NRXN3: variants seen among roughly 807,000 people sequenced by gnomAD.
The protein encoded by NRXN3 is neurexin 3.
A neutral mutation model predicts 137.6 loss-of-function variants in NRXN3; 32 were observed. That is an observed-to-expected ratio of 0.23 (90% CI 0.18 to 0.31). The LOEUF (loss-of-function observed/expected upper bound fraction) is 0.31. Ranked by LOEUF, NRXN3 falls within the 10% of genes least tolerant of loss-of-function variation. The pLI is 1.00. For missense variants in NRXN3, 1,574 were observed against 2,062.5 expected, an observed-to-expected ratio of 0.76 and a Z score of 4.59; for synonymous variants, 798 against 784.5, an observed-to-expected ratio of 1.02 and a Z score of -0.29.
At chr14:79,208,430 A>G (rs975839246) in intron 15 of NRXN3, among the ~76,000 whole-genome samples, 1 of 152,228 alleles carries the variant, frequency 6.6e-6, no homozygotes, top group African/African-American at 2.4e-5. Flanking sequence ...AAGGGGACAA[A>G]TAACATCTCA....
chr14:78,285,238 T>A (rs2075011001), intron 3 of NRXN3, among the ~76,000 whole-genome samples: 1 of 152,188 alleles, frequency 6.6e-6, no homozygotes, highest in African/African-American at 2.4e-5. Context: ...CTAACTCTAG[T>A]AGTACCTATG....
Position 79,834,932 on chromosome 14 carries a change from C to A in NRXN3, c.4094-26410C>A, listed in dbSNP as rs150158166. 8.3e-4 allele frequency among the ~76,000 whole-genome samples: 126 copies of A among 152,228 alleles called. 1 individual carries two copies. Among genetic ancestry groups the A allele is most frequent in the African/African-American group, 3.0e-3 (124 of 41,556 alleles). ...AACCAGATCTAACTGAAACTTCACT[C>A]AACACATTCCCGACCCGCCACCCCA... is the stretch of plus-strand genomic sequence containing the variant. On this transcript the variant is annotated intron_variant, in intron 20 of 20. Coordinates refer to ENST00000335750, the MANE Select transcript of NRXN3 (RefSeq NM_001330195.2).
At chr14:79,814,353 G>T (rs2140910901) in intron 20 of NRXN3, among the ~76,000 whole-genome samples, 1 of 152,244 alleles carries the variant, frequency 6.6e-6, no homozygotes, top group African/African-American at 2.4e-5. Flanking sequence ...GATGTGATTT[G>T]AAATCCTCTG....
At chr14:78,331,948 T>C (rs1440254786) in intron 4 of NRXN3, among the ~76,000 whole-genome samples, 1 of 152,168 alleles carries the variant, frequency 6.6e-6, no homozygotes, top group Non-Finnish European at 1.5e-5. Context: ...GAGAAAACCA[T>C]GAAACAGCTG....
At chr14:79,762,059 G>C (rs2099040514) in intron 19 of NRXN3, among the ~76,000 whole-genome samples, 1 of 151,602 alleles carries the variant, frequency 6.6e-6, no homozygotes, top group Non-Finnish European at 1.5e-5. Flanking sequence ...CTAGGGGAAT[G>C]CTGATTTTAT....
chr14:79,437,305 C>T (rs2095860374), intron 15 of NRXN3, among the ~76,000 whole-genome samples: 1 of 152,010 alleles, frequency 6.6e-6, no homozygotes, highest in Non-Finnish European at 1.5e-5. Context: ...ATATCTTTGT[C>T]CCAACTTCAG....
At chr14:79,695,229 C>T (rs1603434794) in intron 18 of NRXN3, among the ~76,000 whole-genome samples, 1 of 151,862 alleles carries the variant, frequency 6.6e-6, no homozygotes, top group Non-Finnish European at 1.5e-5. Flanking sequence ...TTCTCTGATC[C>T]TCTTTTTATT....
At chr14:79,197,236 T>C (rs1033146252) in intron 15 of NRXN3, among the ~76,000 whole-genome samples, 4 of 152,220 alleles carry the variant, frequency 2.6e-5, no homozygotes, top group Non-Finnish European at 5.9e-5. Context: ...CTTGGGTAGG[T>C]GCATGGTAGT....
chr14:78,548,273 A>G (rs1209642035), intron 4 of NRXN3, among the ~76,000 whole-genome samples: 1 of 152,240 alleles, frequency 6.6e-6, no homozygotes, highest in Admixed American at 6.5e-5. Flanking sequence ...ATAAGTATAT[A>G]ATATCAATCA....
intron 1 of NRXN3, among the ~76,000 whole-genome samples, chr14:78,220,261 T>A (rs1324440528): frequency 6.6e-6 from 1 of 151,994 alleles, no homozygotes; most frequent in Non-Finnish European, 1.5e-5. Context: ...TGAAGAGATC[T>A]GGAGATGGAG....
At chr14:78,383,923 T>G (rs1019591954) in intron 4 of NRXN3, among the ~76,000 whole-genome samples, 5 of 152,210 alleles carry the variant, frequency 3.3e-5, no homozygotes, top group Non-Finnish European at 7.4e-5. Flanking sequence ...TTTTCCCAAC[T>G]GAAGGTATTA....
chr14:79,187,572 T>A (rs2063686837), intron 15 of NRXN3, among the ~76,000 whole-genome samples: 1 of 138,930 alleles, frequency 7.2e-6, no homozygotes, highest in Admixed American at 7.4e-5. Context: ...ATTTCAGAAA[T>A]TAATGATTCT....
chr14:78,958,585 G>A (rs1331981803), intron 11 of NRXN3, among the ~76,000 whole-genome samples: 1 of 152,096 alleles, frequency 6.6e-6, no homozygotes, highest in Non-Finnish European at 1.5e-5. Flanking sequence ...TCCATCTCCT[G>A]ACCTCCTGAT....
intron 19 of NRXN3, among the ~76,000 whole-genome samples, chr14:79,769,758 C>A (rs4603485): frequency 0.012 from 1,753 of 151,838 alleles, 37 homozygotes; most frequent in African/African-American, 0.04. Flanking sequence ...GACAGGATCA[C>A]ATTCACACAT....
chr14:78,256,283 T>C (rs1181680577), intron 2 of NRXN3, among the ~76,000 whole-genome samples: 1 of 152,096 alleles, frequency 6.6e-6, no homozygotes, highest in Non-Finnish European at 1.5e-5. Flanking sequence ...CCTCAGATAT[T>C]GGAAGTGCTG....
chr14:78,275,991 G>C (rs1460061666), intron 2 of NRXN3, among the ~76,000 whole-genome samples: 1 of 152,226 alleles, frequency 6.6e-6, no homozygotes, highest in Admixed American at 6.5e-5. Context: ...GTCACTCACT[G>C]CTTCTTGGGC....
In NRXN3 at chr14:79,330,181, T is replaced by C. The variant is rs144386402; in HGVS notation, c.3263-137040T>C. 3.9e-3 allele frequency among the ~76,000 whole-genome samples: 597 copies of C among 151,972 alleles called. 6 individuals are homozygous for C. Among genetic ancestry groups the C allele is most frequent in the African/African-American group, 0.014 (569 of 41,426 alleles). ...ATATGGAAGTGTCCTATCACAGAGATAGGAAGGGGTGGATCTGTTAATAGA... is the reference window on the plus strand; with the variant it reads ...ATATGGAAGTGTCCTATCACAGAGACAGGAAGGGGTGGATCTGTTAATAGA... On this transcript the variant is annotated intron_variant, in intron 15 of 20. Coordinates refer to ENST00000335750, the MANE Select transcript of NRXN3 (RefSeq NM_001330195.2).
At chr14:78,501,356 G>A (rs1275886020) in intron 4 of NRXN3, among the ~76,000 whole-genome samples, 3 of 152,070 alleles carry the variant, frequency 2.0e-5, no homozygotes, top group African/African-American at 7.2e-5. Flanking sequence ...CTGGCTATTG[G>A]CCAGATCCCT....
chr14:78,711,432 C>CTTTTTTTT lies in NRXN3; in HGVS notation c.1660+1778_1660+1779insTTTTTTTT, dbSNP rs1254367279. 4.7e-4 allele frequency among the ~76,000 whole-genome samples: 49 copies of CTTTTTTTT among 103,200 alleles called. 1 individual carries two copies. The highest frequency in any genetic ancestry group is 1.3e-3 in the African/African-American group (35 of 26,804). 67.7% of individuals were successfully genotyped at this position (103,200 alleles called of 152,430 possible). A position where few individuals can be genotyped will look rare whatever the true frequency, so the allele number is the denominator to read the frequency against. On this transcript the variant is annotated intron_variant, in intron 7 of 20. Coordinates refer to ENST00000335750, the MANE Select transcript of NRXN3 (RefSeq NM_001330195.2). ...AGCTAAAGCACTGGCTAATTCTTTT[C>CTTTTTTTT]TCTTTTTTTTTTTTTTTTTTTTTTT...
Sources: gnomAD v4.1 joint callset for allele counts (sites outside exome capture counted in the v4.1 genomes callset) on GRCh38, gnomAD v4.1.1 for gene constraint, MANE v1.5 for transcripts, NCBI Gene and HGNC (gene_info 2026-07-23, HGNC 2026-07-21) for gene names.